The following MCTP1 variants were observed in gnomAD, a reference collection of about 807,000 sequenced individuals.
The protein encoded by MCTP1 is multiple C2 and transmembrane domain-containing protein 1.
A neutral mutation model predicts 120.6 loss-of-function variants in MCTP1; 69 were observed. That is an observed-to-expected ratio of 0.57 (90% CI 0.47 to 0.70). The LOEUF (loss-of-function observed/expected upper bound fraction) is 0.70. Among genes scored for constraint, MCTP1 ranks in the 30% least tolerant of loss-of-function variants. The pLI, the probability that MCTP1 is intolerant of heterozygous loss-of-function variation, is 0.00. For synonymous variants in MCTP1, 529 were observed against 493.1 expected (o/e 1.07, Z -0.96); for missense variants, 1,203 against 1,248.8 (o/e 0.96, Z 0.55).
chr5:95,055,517 G>T (rs1002377929), intron 1 of MCTP1, among the ~76,000 whole-genome samples: 2 of 152,192 alleles, frequency 1.3e-5, no homozygotes, highest in Non-Finnish European at 2.9e-5. Flanking sequence ...TCTAGAAAGA[G>T]ACTGAGACAA....
intron 17 of MCTP1, among the ~76,000 whole-genome samples, chr5:94,849,041 A>G (rs1378630406): frequency 6.6e-6 from 1 of 152,000 alleles, no homozygotes; most frequent in Non-Finnish European, 1.5e-5. Context: ...TTCAGAAACA[A>G]TTTGTTCAAA....
At chr5:94,876,165 G>T (rs1798829327) in intron 12 of MCTP1, among the ~76,000 whole-genome samples, 1 of 152,136 alleles carries the variant, frequency 6.6e-6, no homozygotes, top group African/African-American at 2.4e-5. Flanking sequence ...TCCTTTAAAT[G>T]ACTGGCTTTT....
chr5:95,118,591 T>G (rs1757989864), intron 1 of MCTP1, among the ~76,000 whole-genome samples: 1 of 151,730 alleles, frequency 6.6e-6, no homozygotes, highest in African/African-American at 2.4e-5. Context: ...AGACATAGAG[T>G]GGCTGAATGG....
intron 2 of MCTP1, among the ~76,000 whole-genome samples, chr5:94,973,041 C>T (rs923692946): frequency 2.0e-5 from 3 of 152,034 alleles, no homozygotes; most frequent in Non-Finnish European, 4.4e-5. Context: ...TAACTCTAGC[C>T]CTGTGAGTTG....
At chr5:94,893,220 T>C (rs184505671) in intron 11 of MCTP1, among the ~76,000 whole-genome samples, 1 of 152,198 alleles carries the variant, frequency 6.6e-6, no homozygotes, top group Non-Finnish European at 1.5e-5. Flanking sequence ...TAATAATAGG[T>C]GGATTACTTC....
chr5:95,201,933 G>T (rs1427028821), intron 1 of MCTP1, among the ~76,000 whole-genome samples: 2 of 151,966 alleles, frequency 1.3e-5, no homozygotes, highest in Admixed American at 6.5e-5. Flanking sequence ...CTAACATCTG[G>T]TATGGGGATG....
intron 1 of MCTP1, among the ~76,000 whole-genome samples, chr5:95,224,909 A>G (rs1225804778): frequency 6.6e-6 from 1 of 152,174 alleles, no homozygotes; most frequent in East Asian, 1.9e-4. Flanking sequence ...TAACTTATCA[A>G]TTGAGAAATT....
intron 1 of MCTP1, among the ~76,000 whole-genome samples, chr5:95,227,491 G>A (rs997088973): frequency 2.0e-5 from 3 of 152,126 alleles, no homozygotes; most frequent in African/African-American, 7.2e-5. Flanking sequence ...AAAGATAAAC[G>A]GGAGAAATGA....
At chr5:94,739,302 G>A (rs1580401670) in intron 19 of MCTP1, 1 of 152,274 alleles carries the variant, frequency 6.6e-6, no homozygotes, top group Non-Finnish European at 1.5e-5. Flanking sequence ...AATGTGGTTC[G>A]ATCAACAGGG....
chr5:94,868,441 T>A lies in MCTP1; in HGVS notation c.2328A>T (p.Arg776Ser). The change falls in exon 17 of 23, where the codon AGA becomes AGT. Residue 776 changes from arginine (R) to serine (S), a missense_variant. By Grantham distance (110) the Arg-to-Ser change is moderately radical. Transcript: ENST00000515393. The part of the protein sequence containing the change: ...ENRLSKQLLL[R>S]NFIRMKRCVM... ...CACAACGTTTCATTCTGATAAAGTT[T>A]CTTAGTAGCAGCTGTAAGGAAAATG... The A allele has an allele frequency of 6.2e-7, 1 of 1,600,824 alleles. No individual in the cohort carries two copies. The highest frequency in any genetic ancestry group is 8.5e-7 in the Non-Finnish European group (1 of 1,174,310).
intron 1 of MCTP1, among the ~76,000 whole-genome samples, chr5:95,220,021 T>G (rs1753505452): frequency 6.6e-6 from 1 of 152,208 alleles, no homozygotes; most frequent in South Asian, 2.1e-4. Flanking sequence ...GCTTGCAATA[T>G]GTAAATTAGG....
In MCTP1 at chr5:94,871,414, G is replaced by A. The variant is rs115666661; in HGVS notation, c.2040C>T (p.Asn680=). Reference sequence around the variant, plus strand: ...CAAGAACTGAATGGATATCTTTAATGTTGCTGCATAATAAATATATGTAAG... The same window carrying A: ...CAAGAACTGAATGGATATCTTTAATATTGCTGCATAATAAATATATGTAAG... ...NPEWNKVFTF[N]IKDIHSVLEV... Residue 680 remains asparagine, a synonymous_variant, in exon 14 of 23, where the codon AAC becomes AAT. Coordinates refer to ENST00000515393, the MANE Select transcript of MCTP1 (RefSeq NM_024717.7). 1 of 1,593,026 alleles carries A rather than the reference G, an allele frequency of 6.3e-7. No individual in the cohort carries two copies. The highest frequency in any genetic ancestry group is 8.6e-7 in the Non-Finnish European group (1 of 1,161,354).
intron 1 of MCTP1, among the ~76,000 whole-genome samples, chr5:95,147,321 C>T (rs918150368): frequency 6.6e-6 from 1 of 152,086 alleles, no homozygotes; most frequent in Non-Finnish European, 1.5e-5. Flanking sequence ...CTCCTGACCT[C>T]GTGATCCACC....
At chr5:94,934,197 G>T (rs1008892442) in intron 5 of MCTP1, among the ~76,000 whole-genome samples, 6 of 151,498 alleles carry the variant, frequency 4.0e-5, no homozygotes, top group African/African-American at 1.4e-4. Context: ...AAATTAAAAA[G>T]AAAATTTAAT....
chr5:94,847,071 C>T (rs558076072), intron 17 of MCTP1, among the ~76,000 whole-genome samples: 5 of 152,232 alleles, frequency 3.3e-5, no homozygotes, highest in Non-Finnish European at 5.9e-5. Flanking sequence ...CTAAAATTTG[C>T]GAACCTATGT....
chr5:95,259,953 C>G (rs1582684267), intron 1 of MCTP1, among the ~76,000 whole-genome samples: 1 of 152,182 alleles, frequency 6.6e-6, no homozygotes, highest in African/African-American at 2.4e-5. Flanking sequence ...CTTACCGCAG[C>G]CCAAGGAGGG....
intron 19 of MCTP1, among the ~76,000 whole-genome samples, chr5:94,721,931 G>A (rs1761019125): frequency 6.7e-6 from 1 of 148,850 alleles, no homozygotes; most frequent in Admixed American, 6.7e-5. Context: ...CCATGAATCT[G>A]AGAATATGTG....
chr5:94,809,528 T>C (rs1783015921), intron 17 of MCTP1, among the ~76,000 whole-genome samples: 1 of 152,130 alleles, frequency 6.6e-6, no homozygotes, highest in South Asian at 2.1e-4. Flanking sequence ...TCCCTTTCAT[T>C]AGAAATTAGT....
intron 17 of MCTP1, among the ~76,000 whole-genome samples, chr5:94,836,198 A>C (rs1789736076): frequency 1.3e-5 from 2 of 151,296 alleles, no homozygotes; most frequent in Admixed American, 1.3e-4. Flanking sequence ...AAAAAAAAAA[A>C]AAAAAAAACC....
Sources: gnomAD v4.1 joint callset for allele counts (sites outside exome capture counted in the v4.1 genomes callset) on GRCh38, gnomAD v4.1.1 for gene constraint, MANE v1.5 for transcripts, NCBI Gene and HGNC (gene_info 2026-07-23, HGNC 2026-07-21) for gene names.